Variants in HEMK2 observed in about 807,000 individuals in gnomAD.
HEMK2 encodes HemK methyltransferase 2, ETF1 glutamine and histone H4 lysine.
At chr21:28,726,153 T>A in the HEMK2 span, among the ~76,000 whole-genome samples, 1 of 152,178 alleles carries the variant, frequency 6.6e-6, no homozygotes, top group South Asian at 2.1e-4. Context: ...ATTATTAACA[T>A]AATTCACCAC....
At chr21:28,880,472 C>T in the HEMK2 span, among the ~76,000 whole-genome samples, 54 of 152,280 alleles carry the variant, frequency 3.5e-4, no homozygotes, top group African/African-American at 1.3e-3. Flanking sequence ...TGGCTCATGC[C>T]TGTAATCCCA....
chr21:28,768,260 T>C, the HEMK2 span, among the ~76,000 whole-genome samples: 1 of 152,080 alleles, frequency 6.6e-6, no homozygotes, highest in Non-Finnish European at 1.5e-5. Flanking sequence ...ATCCTCTACC[T>C]AACCTAACTC....
At chr21:28,693,364 T>C in the HEMK2 span, among the ~76,000 whole-genome samples, 1 of 152,152 alleles carries the variant, frequency 6.6e-6, no homozygotes, top group East Asian at 1.9e-4. Context: ...TGACAAATTA[T>C]TAAAGCTAAT....
chr21:28,694,366 G>A, the HEMK2 span, among the ~76,000 whole-genome samples: 3 of 152,154 alleles, frequency 2.0e-5, no homozygotes, highest in African/African-American at 4.8e-5. Flanking sequence ...AATGCTCTAA[G>A]TACTATGAGA....
At chr21:28,652,269 C>T in the HEMK2 span, among the ~76,000 whole-genome samples, 1 of 152,214 alleles carries the variant, frequency 6.6e-6, no homozygotes, top group East Asian at 1.9e-4. Flanking sequence ...CCCCTCTTCA[C>T]TGGGGAAATC....
At chr21:28,872,878 T>A in the HEMK2 span, 1 of 152,234 alleles carries the variant, frequency 6.6e-6, no homozygotes, top group African/African-American at 2.4e-5. Context: ...TGGGGATGGC[T>A]ATCTCCTTTA....
At chr21:28,747,984 G>C in the HEMK2 span, among the ~76,000 whole-genome samples, 2 of 152,230 alleles carry the variant, frequency 1.3e-5, no homozygotes, top group African/African-American at 4.8e-5. Flanking sequence ...GATGCAGCTG[G>C]AGGCATTTCC....
the HEMK2 span, among the ~76,000 whole-genome samples, chr21:28,776,754 T>G: frequency 6.6e-6 from 1 of 152,254 alleles, no homozygotes; most frequent in East Asian, 1.9e-4. Flanking sequence ...GCTGAAGAAC[T>G]TGGAGTCCAA....
At chr21:28,792,514 C>T in the HEMK2 span, among the ~76,000 whole-genome samples, 43 of 152,148 alleles carry the variant, frequency 2.8e-4, no homozygotes, top group Admixed American at 8.5e-4. Context: ...AATGGAAGGT[C>T]CTCTGTGCCC....
chr21:28,705,085 A>T, the HEMK2 span, among the ~76,000 whole-genome samples: 3 of 152,152 alleles, frequency 2.0e-5, no homozygotes, highest in South Asian at 6.2e-4. Flanking sequence ...AGAAATAGAA[A>T]CTGCAGTTTT....
chr21:28,768,192 T>C, the HEMK2 span, among the ~76,000 whole-genome samples: 2 of 152,124 alleles, frequency 1.3e-5, no homozygotes, highest in East Asian at 3.9e-4. Flanking sequence ...GGGCTTCCCC[T>C]CTGTGAGCCA....
the HEMK2 span, among the ~76,000 whole-genome samples, chr21:28,757,384 T>C: frequency 6.6e-6 from 1 of 152,054 alleles, no homozygotes; most frequent in African/African-American, 2.4e-5. Context: ...TAAAGAAATA[T>C]ATGTTAGATT....
the HEMK2 span, among the ~76,000 whole-genome samples, chr21:28,731,936 C>G: frequency 4.6e-5 from 7 of 152,192 alleles, no homozygotes; most frequent in Admixed American, 3.3e-4. Context: ...GTAGCCCACA[C>G]AGAGGTGGTG....
chr21:28,609,593 G>A, the HEMK2 span, among the ~76,000 whole-genome samples: 4 of 146,102 alleles, frequency 2.7e-5, no homozygotes, highest in Non-Finnish European at 6.0e-5. Flanking sequence ...ACAACAGAAG[G>A]TTGACTATTA....
chr21:28,748,769 A>G, the HEMK2 span, among the ~76,000 whole-genome samples: 1 of 152,232 alleles, frequency 6.6e-6, no homozygotes, highest in Admixed American at 6.5e-5. Flanking sequence ...GAGAGATTAC[A>G]AAGATTGGTA....
the HEMK2 span, among the ~76,000 whole-genome samples, chr21:28,789,290 G>A: frequency 6.6e-6 from 1 of 152,062 alleles, no homozygotes; most frequent in Non-Finnish European, 1.5e-5. Flanking sequence ...TAGGTTTGAG[G>A]ATGTAAGATT....
the HEMK2 span, among the ~76,000 whole-genome samples, chr21:28,662,689 C>T: frequency 6.6e-6 from 1 of 152,058 alleles, no homozygotes; most frequent in Non-Finnish European, 1.5e-5. Flanking sequence ...TTATAAGGGG[C>T]TTTTCCCTCT....
chr21:28,847,928 C>T, the HEMK2 span, among the ~76,000 whole-genome samples: 2 of 152,062 alleles, frequency 1.3e-5, no homozygotes, highest in Admixed American at 6.6e-5. Flanking sequence ...ACCAGATAGT[C>T]GTAGATGCGA....
chr21:28,866,175 A>AAACACAC, the HEMK2 span, among the ~76,000 whole-genome samples: 34 of 76,234 alleles, frequency 4.5e-4, no homozygotes, highest in East Asian at 2.0e-3. Context: ...CAAAAAAAAA[A>AAACACAC]ACACACACAC....
Sources: gnomAD v4.1 joint callset for allele counts (sites outside exome capture counted in the v4.1 genomes callset) on GRCh38, gnomAD v4.1.1 for gene constraint, MANE v1.5 for transcripts, NCBI Gene and HGNC (gene_info 2026-07-23, HGNC 2026-07-21) for gene names.